Variants in PPAT observed in about 807,000 individuals in gnomAD.
PPAT encodes the protein amidophosphoribosyltransferase.
PPAT carries 20 observed loss-of-function variants against 60.2 expected under a neutral mutation model. The observed-to-expected ratio is 0.33, with a 90% CI of 0.23 to 0.48. The LOEUF (loss-of-function observed/expected upper bound fraction) is 0.48. PPAT is among the 20% of genes least tolerant of loss of function. The pLI, the probability that PPAT is intolerant of heterozygous loss-of-function variation, is 0.99. For synonymous variants in PPAT, 194 were observed against 215.1 expected, an observed-to-expected ratio of 0.90 and a Z score of 0.86; for missense variants, 349 against 629.6, an observed-to-expected ratio of 0.55 and a Z score of 4.77.
intron 1 of PPAT, chr4:56,425,340 C>A (rs1717234303): frequency 2.8e-6 from 1 of 352,586 alleles, no homozygotes; most frequent in Non-Finnish European, 4.0e-6. Flanking sequence ...ATATGAAACA[C>A]AATACTGAGA....
rs779886575 is a variant in PPAT at position 56,435,352 on chromosome 4, G to A, written c.126C>T (p.His42=). The A allele has an allele frequency of 8.1e-6, 13 of 1,613,692 alleles. No homozygotes were observed. In the Admixed American group the frequency reaches 8.3e-5, roughly 10 times the overall value. Residue 42 remains histidine, a splice_region_variant and synonymous_variant, in exon 1 of 11, where the codon CAC becomes CAT. Transcript: ENST00000264220. ...GCCACCCCCACCCTGTTGCTCACCG[G>A]TGCTGCAGCCCCACGAGTCCCAGAG... ...VITLGLVGLQ[H]RGQESAGIVT...
chr4:56,399,133 T>G, intron 9 of PPAT, 46 bp downstream of exon 9: 1 of 1,507,290 alleles, frequency 6.6e-7, no homozygotes, highest in Non-Finnish European at 9.2e-7. Context: ...TATGCCAGTA[T>G]CTTATTGTTA....
chr4:56,414,075 T>C (rs1029631068), intron 1 of PPAT, among the ~76,000 whole-genome samples: 1 of 152,196 alleles, frequency 6.6e-6, no homozygotes, highest in East Asian at 1.9e-4. Context: ...TCTTAGAAAT[T>C]TGCATGATTT....
intron 7 of PPAT, 61 bp downstream of exon 7, chr4:56,401,269 A>T: frequency 6.9e-7 from 1 of 1,442,664 alleles, no homozygotes; most frequent in Non-Finnish European, 9.4e-7. Flanking sequence ...AAGAATTGCC[A>T]TGTTTCAAGG....
rs548091169 is a variant in PPAT, at chr4:56,434,669, C to T, written c.128+681G>A. Among the ~76,000 whole-genome samples the T allele has an allele frequency of 3.0e-4, 45 of 152,308 alleles. No homozygotes were observed. In the Middle Eastern group the frequency reaches 0.01, roughly 35 times the overall value. Reference sequence around the variant, plus strand: ...TCATGTTATTACCAACGTTTTCATTCATTAGGCAAGACGTCTACCAATGAA... The same window carrying T: ...TCATGTTATTACCAACGTTTTCATTTATTAGGCAAGACGTCTACCAATGAA... On this transcript the variant is annotated intron_variant, in intron 1 of 10. Transcript: ENST00000264220.
chr4:56,399,128 C>T, intron 9 of PPAT, 51 bp downstream of exon 9: 1 of 1,476,332 alleles, frequency 6.8e-7, no homozygotes. Context: ...AATTTTATGC[C>T]AGTATCTTAT....
At chr4:56,427,401 C>A (rs977144209) in intron 1 of PPAT, among the ~76,000 whole-genome samples, 2 of 152,120 alleles carry the variant, frequency 1.3e-5, no homozygotes, top group African/African-American at 2.4e-5. Context: ...ATGGCATATG[C>A]TGAAAGTTTC....
intron 1 of PPAT, among the ~76,000 whole-genome samples, chr4:56,432,513 G>A (rs1717641307): frequency 7.1e-6 from 1 of 140,238 alleles, no homozygotes; most frequent in Non-Finnish European, 1.5e-5. Context: ...GTGACAGAGT[G>A]AGACCCTGTC....
Position 56,402,193 on chromosome 4 carries a change from A to C in PPAT, c.662-12T>G. On this transcript the variant is annotated splice_polypyrimidine_tract_variant and intron_variant, in intron 5 of 10. Coordinates refer to ENST00000264220, the MANE Select transcript of PPAT (RefSeq NM_002703.5). ...TGATGTTTTTTTCTCTGTAAATCAC[A>C]AATCAATTCAATTAATGGATTCCAG... 11 of 1,584,662 alleles carry C rather than the reference A, an allele frequency of 6.9e-6. No homozygotes were observed. The highest frequency in any genetic ancestry group is 9.5e-6 in the Non-Finnish European group (11 of 1,155,824).
intron 1 of PPAT, among the ~76,000 whole-genome samples, chr4:56,428,184 A>T (rs146325288): frequency 1.3e-5 from 2 of 152,340 alleles, no homozygotes; most frequent in East Asian, 3.9e-4. Flanking sequence ...GCTTTAAGTG[A>T]ATGATAATCA....
In PPAT at chr4:56,417,835, G is replaced by T. The variant is rs547226113; in HGVS notation, c.129-10119C>A. Among the ~76,000 whole-genome samples the T allele has an allele frequency of 3.2e-3, 324 of 102,556 alleles. 2 individuals carry two copies. The highest frequency in any genetic ancestry group is 9.8e-3 in the African/African-American group (283 of 28,744). The allele number at this position is 102,556 out of a possible 152,430, so 67.3% of individuals were successfully genotyped here. A position where few individuals can be genotyped will look rare whatever the true frequency, so the allele number is the denominator to read the frequency against. The stretch of plus-strand genomic sequence containing the variant: ...ATCTTCGGTATAATTTGAAGATTTG[G>T]TTTTTTGTTTTTTTTTTTTTTTTTG... On this transcript the variant is annotated intron_variant, in intron 1 of 10. Transcript: ENST00000264220.
At chr4:56,418,991 G>C (rs544683221) in intron 1 of PPAT, among the ~76,000 whole-genome samples, 2 of 152,126 alleles carry the variant, frequency 1.3e-5, no homozygotes, top group African/African-American at 2.4e-5. Context: ...TGTAATTTTC[G>C]CAAGGCGTAA....
chr4:56,410,421 C>T, intron 1 of PPAT: 1 of 581,854 alleles, frequency 1.7e-6, no homozygotes, highest in Non-Finnish European at 2.2e-6. Context: ...TACATCCTTT[C>T]AGCTCTTCGG....
intron 8 of PPAT, 76 bp from the exon 9 acceptor site, chr4:56,399,476 C>T (rs565384424): frequency 1.1e-4 from 119 of 1,082,836 alleles, no homozygotes; most frequent in East Asian, 8.6e-4. Flanking sequence ...GTTGTGTTGC[C>T]GCCACAATAT....
At chr4:56,427,756 CCT>C (rs1189209363) in intron 1 of PPAT, among the ~76,000 whole-genome samples, 1 of 152,094 alleles carries the variant, frequency 6.6e-6, no homozygotes, top group East Asian at 1.9e-4. Context: ...ATGCCTTCCC[CCT>C]GTCACCCCCT....
rs1715947445 is a variant in PPAT, at chr4:56,395,489, T to G, written c.1417A>C (p.Ile473Leu). The change falls in exon 11 of 11, where the codon ATA (isoleucine) becomes CTA (leucine). Residue 473 changes from isoleucine to leucine, a missense_variant. Ile to Leu is a conservative substitution (Grantham distance 5). Around this residue, in one of 5 missense-constraint regions of PPAT, gnomAD observed 167 missense variants for 328.6 expected, o/e 0.51. Transcript: ENST00000264220. ...EGLVSSVQEG[I>L]KFKKQKEKKH... ...TTCTCTTTCTGTTTTTTAAACTTTA[T>G]CCCTTCTTGTACAGATGAAACCAGT... 1.2e-6 allele frequency: 2 copies of G among 1,612,942 alleles called. No homozygotes were observed. The highest frequency in any genetic ancestry group is 4.5e-5 in the East Asian group (2 of 44,752).
rs200268394 is a variant in PPAT, at chr4:56,395,358, T to C, written c.1548A>G (p.Glu516=). The change falls in exon 11 of 11, where the codon GAA becomes GAG. Residue 516 remains glutamate, a synonymous_variant. Coordinates refer to ENST00000264220, the MANE Select transcript of PPAT (RefSeq NM_002703.5). ...ACACATCCAACCCTACCAGCTACCA[T>C]TCTAATTCTACAGGATATTTTCCAG... ...CLTGKYPVEL[E]W is the part of the protein sequence containing the mutation. 6.2e-7 allele frequency: 1 copy of C among 1,604,384 alleles called. No individual in the cohort carries two copies.
chr4:56,435,505 C>G lies in PPAT; in HGVS notation c.-28G>C, dbSNP rs1333708953. 2 of 1,612,564 alleles carry G rather than the reference C, an allele frequency of 1.2e-6. No homozygotes were observed. The highest frequency in any genetic ancestry group is 2.2e-5 in the South Asian group (2 of 91,016). On this transcript the variant is annotated 5_prime_UTR_variant, in exon 1 of 11. Transcript: ENST00000264220. Reference sequence around the variant, plus strand: ...CGCCGCCGAAAGCACGTGGAAGGACCTGCCGCTGCGGCCAAGGTGTAAGCA... The same window carrying G: ...CGCCGCCGAAAGCACGTGGAAGGACGTGCCGCTGCGGCCAAGGTGTAAGCA...
In PPAT at chr4:56,395,329, C is replaced by G; in HGVS notation, c.*23G>C. ...TCTTGACCAACTTTCTATCTTGAAA[C>G]TACACACATCCAACCCTACCAGCTA... is the stretch of plus-strand genomic sequence containing the variant. On this transcript the variant is annotated 3_prime_UTR_variant, in exon 11 of 11. Coordinates refer to ENST00000264220, the MANE Select transcript of PPAT (RefSeq NM_002703.5). 1 of 1,564,532 alleles carries G rather than the reference C, an allele frequency of 6.4e-7. No individual in the cohort carries two copies. The highest frequency in any genetic ancestry group is 2.3e-5 in the East Asian group (1 of 42,636).
Sources: gnomAD v4.1 joint callset for allele counts (sites outside exome capture counted in the v4.1 genomes callset) on GRCh38, gnomAD v4.1.1 for gene constraint, gnomAD v4.1.1 regional missense constraint, MANE v1.5 for transcripts, NCBI Gene and HGNC (gene_info 2026-07-23, HGNC 2026-07-21) for gene names.